Variants in TBC1D19 observed in about 807,000 individuals in gnomAD.
TBC1D19 encodes TBC1 domain family member 19.
A neutral mutation model predicts 89.0 loss-of-function variants in TBC1D19; 60 were observed. That is an observed-to-expected ratio of 0.67 (90% CI 0.55 to 0.84). The LOEUF is 0.84. Ranked by LOEUF, TBC1D19 falls within the 40% of genes least tolerant of loss-of-function variation. The pLI is 0.00. For missense variants in TBC1D19, 500 were observed against 610.8 expected (o/e 0.82, Z 1.91); for synonymous variants, 189 against 199.7 (o/e 0.95, Z 0.45).
intron 7 of TBC1D19, among the ~76,000 whole-genome samples, chr4:26,642,800 A>C (rs1231112208): frequency 7.0e-6 from 1 of 142,526 alleles, no homozygotes; most frequent in Admixed American, 7.7e-5. Flanking sequence ...GATAAAACAG[A>C]CTTTAAACAA....
intron 1 of TBC1D19, among the ~76,000 whole-genome samples, chr4:26,587,603 T>C (rs1047747125): frequency 6.6e-6 from 1 of 151,062 alleles, no homozygotes; most frequent in Non-Finnish European, 1.5e-5. Flanking sequence ...AGATATTTCT[T>C]TGTAGTTTTT....
At chr4:26,776,137 T>C in the TBC1D19 span, among the ~76,000 whole-genome samples, 1 of 152,200 alleles carries the variant, frequency 6.6e-6, no homozygotes, top group South Asian at 2.1e-4. Flanking sequence ...CTTTTAGTAG[T>C]AAACAATATT....
At chr4:26,697,950 A>G (rs1046783740) in intron 13 of TBC1D19, among the ~76,000 whole-genome samples, 1 of 152,164 alleles carries the variant, frequency 6.6e-6, no homozygotes, top group African/African-American at 2.4e-5. Context: ...GAAAACTGGC[A>G]CAAGACAGGG....
chr4:26,768,666 A>G, the TBC1D19 span, among the ~76,000 whole-genome samples: 1 of 152,294 alleles, frequency 6.6e-6, no homozygotes, highest in East Asian at 1.9e-4. Context: ...TTTAAAAAAT[A>G]GTGTCTAAGA....
intron 15 of TBC1D19, among the ~76,000 whole-genome samples, chr4:26,733,118 T>G (rs1717768048): frequency 6.6e-6 from 1 of 152,224 alleles, no homozygotes; most frequent in Admixed American, 6.5e-5. Context: ...GAATTTTCAC[T>G]TGTGAGCTTA....
intron 1 of TBC1D19, among the ~76,000 whole-genome samples, chr4:26,612,042 T>C (rs2110012778): frequency 6.6e-6 from 1 of 152,116 alleles, no homozygotes; most frequent in South Asian, 2.1e-4. Context: ...TACTTTGGGT[T>C]CTTTTGTTTT....
At position 26,753,812 on chromosome 4, in the gene TBC1D19, T is replaced by G. The variant is rs909990421; in HGVS notation, c.1436-8T>G. 6.2e-7 allele frequency: 1 copy of G among 1,613,728 alleles called. No individual in the cohort carries two copies. ...CCAGCAGTTGAAGTAGTGTGCATTCTTTTCCAGTGCTGGCAGCTGCCGTGT... is the reference window on the plus strand; with the variant it reads ...CCAGCAGTTGAAGTAGTGTGCATTCGTTTCCAGTGCTGGCAGCTGCCGTGT... On this transcript the variant is annotated splice_polypyrimidine_tract_variant and splice_region_variant and intron_variant, in intron 19 of 20. Coordinates refer to ENST00000264866, the MANE Select transcript of TBC1D19 (RefSeq NM_018317.4).
At chr4:26,686,742 T>C (rs1713846462) in intron 12 of TBC1D19, among the ~76,000 whole-genome samples, 1 of 152,134 alleles carries the variant, frequency 6.6e-6, no homozygotes, top group African/African-American at 2.4e-5. Context: ...TGGGTTGTCT[T>C]CTGACATAAA....
intron 1 of TBC1D19, among the ~76,000 whole-genome samples, chr4:26,588,072 C>T (rs887605914): frequency 1.4e-5 from 2 of 144,278 alleles, no homozygotes; most frequent in African/African-American, 2.6e-5. Context: ...GTCGCCCAGG[C>T]TGGAGTGCAG....
chr4:26,777,853 T>C, the TBC1D19 span, among the ~76,000 whole-genome samples: 135,347 of 151,692 alleles, frequency 0.89, 62,441 homozygotes, highest in East Asian at 1. Flanking sequence ...GGCCAAGGTG[T>C]GAGGATTGTT....
chr4:26,653,384 C>T (rs1744545676), intron 7 of TBC1D19, among the ~76,000 whole-genome samples: 3 of 152,148 alleles, frequency 2.0e-5, no homozygotes, highest in Admixed American at 2.0e-4. Flanking sequence ...TCTATTAGGT[C>T]CGCTTGGTGC....
chr4:26,682,647 G>A lies in TBC1D19; in HGVS notation c.817-1028G>A, dbSNP rs968585401. On this transcript the variant is annotated intron_variant, in intron 11 of 20. Coordinates refer to ENST00000264866, the MANE Select transcript of TBC1D19 (RefSeq NM_018317.4). ...AAAGTGCCTGAGAGGTGAAAGGAGG[G>A]ATTTGGAGCAATACACATGTCAGCT... Among the ~76,000 whole-genome samples, 5 of 152,144 alleles carry A rather than the reference G, an allele frequency of 3.3e-5. No individual in the cohort carries two copies. The East Asian group carries it at 9.6e-4, about 29-fold the overall frequency.
intron 15 of TBC1D19, among the ~76,000 whole-genome samples, chr4:26,729,487 C>A (rs1717521625): frequency 6.6e-6 from 1 of 152,104 alleles, no homozygotes. Flanking sequence ...AACTAAGTAC[C>A]ATGAGAATGC....
At position 26,740,608 on chromosome 4, in the gene TBC1D19, C is replaced by G. The variant is rs927467356; in HGVS notation, c.1227+635C>G. On this transcript the variant is annotated intron_variant, in intron 17 of 20. Coordinates refer to ENST00000264866, the MANE Select transcript of TBC1D19 (RefSeq NM_018317.4). ...AACATTTTAATCTGTTCTCTTTTGG[C>G]TGTTCCTTTATCATATCTTTTTTTT... 11 of 968,128 alleles carry G rather than the reference C, an allele frequency of 1.1e-5. No homozygotes were observed. The African/African-American group carries it at 1.4e-4, about 12-fold the overall frequency. 60.0% of individuals were successfully genotyped at this position (968,128 alleles called of 1,614,324 possible).
At chr4:26,851,384 T>C in the TBC1D19 span, among the ~76,000 whole-genome samples, 2 of 150,684 alleles carry the variant, frequency 1.3e-5, no homozygotes, top group African/African-American at 2.4e-5. Flanking sequence ...ATCCTATTGG[T>C]TCTATCTCTG....
the TBC1D19 span, among the ~76,000 whole-genome samples, chr4:26,808,820 A>G: frequency 6.6e-6 from 1 of 152,316 alleles, no homozygotes; most frequent in African/African-American, 2.4e-5. Context: ...TCCAAGTACC[A>G]ACTAAGCTAT....
At chr4:26,844,310 G>A in the TBC1D19 span, among the ~76,000 whole-genome samples, 2 of 152,092 alleles carry the variant, frequency 1.3e-5, no homozygotes, top group Admixed American at 1.3e-4. Context: ...ATGTACTCCA[G>A]GTTTTAGGAA....
intron 1 of TBC1D19, among the ~76,000 whole-genome samples, chr4:26,596,909 T>C (rs1311408325): frequency 6.6e-6 from 1 of 152,260 alleles, no homozygotes; most frequent in African/African-American, 2.4e-5. Context: ...TTAAAAGATA[T>C]TTTTGTTATT....
intron 13 of TBC1D19, among the ~76,000 whole-genome samples, chr4:26,709,975 C>G (rs1487841510): frequency 6.6e-6 from 1 of 152,066 alleles, no homozygotes; most frequent in African/African-American, 2.4e-5. Context: ...ATTTTCAAAG[C>G]TAGTAAGCCA....
Sources: gnomAD v4.1 joint callset for allele counts (sites outside exome capture counted in the v4.1 genomes callset) on GRCh38, gnomAD v4.1.1 for gene constraint, MANE v1.5 for transcripts, NCBI Gene and HGNC (gene_info 2026-07-23, HGNC 2026-07-21) for gene names.